CPNE8: variants seen among roughly 807,000 people sequenced by gnomAD.
The protein encoded by CPNE8 is copine 8.
Under a neutral mutation model 81.5 loss-of-function variants are expected in CPNE8, and 45 were observed. The ratio of observed to expected loss-of-function variants is 0.55; its 90% confidence interval spans 0.44 to 0.71. The LOEUF (loss-of-function observed/expected upper bound fraction) is 0.71, where lower values mean the gene tolerates loss of function less well. Ranked by LOEUF, CPNE8 falls within the 30% of genes least tolerant of loss-of-function variation. The probability of loss-of-function intolerance (pLI) is 0.00; values close to 1 mark genes in which losing one functional copy is unlikely to be tolerated. For synonymous variants in CPNE8, 252 were observed against 226.3 expected, an observed-to-expected ratio of 1.11 and a Z score of -1.02; for missense variants, 594 against 672.1, an observed-to-expected ratio of 0.88 and a Z score of 1.28.
intron 3 of CPNE8, among the ~76,000 whole-genome samples, chr12:38,849,182 CAT>C (rs201264191): frequency 0.011 from 1,655 of 152,218 alleles, 23 homozygotes; most frequent in Non-Finnish European, 0.013. Flanking sequence ...TCTGATTAAT[CAT>C]GTTTTAATTC....
chr12:38,893,024 A>G (rs997423557), intron 1 of CPNE8, among the ~76,000 whole-genome samples: 1 of 152,140 alleles, frequency 6.6e-6, no homozygotes, highest in Non-Finnish European at 1.5e-5. Flanking sequence ...AAAACCTTAG[A>G]CACTTGAATT....
chr12:38,829,579 T>C, intron 5 of CPNE8, 124 bp from the exon 6 acceptor site: 3 of 665,504 alleles, frequency 4.5e-6, no homozygotes, highest in Non-Finnish European at 5.3e-6. Flanking sequence ...CTTCCAACAA[T>C]AAGTAAAATA....
At chr12:38,694,385 G>A (rs564124538) in intron 14 of CPNE8, among the ~76,000 whole-genome samples, 60 of 152,292 alleles carry the variant, frequency 3.9e-4, no homozygotes, top group Non-Finnish European at 7.5e-4. Context: ...ACTTTCGAAT[G>A]AGACATTAAG....
At chr12:38,819,658 T>G (rs1943082024) in intron 6 of CPNE8, among the ~76,000 whole-genome samples, 1 of 150,224 alleles carries the variant, frequency 6.7e-6, no homozygotes, top group African/African-American at 2.5e-5. Context: ...TCCCAGCTAC[T>G]CGGGAGGCTG....
chr12:38,832,372 G>A (rs1321079690), intron 5 of CPNE8, among the ~76,000 whole-genome samples: 1 of 152,138 alleles, frequency 6.6e-6, no homozygotes, highest in Non-Finnish European at 1.5e-5. Flanking sequence ...CCAGCGCAGG[G>A]CAATGCAATC....
At chr12:38,759,157 T>C (rs1463513711) in intron 10 of CPNE8, among the ~76,000 whole-genome samples, 1 of 152,158 alleles carries the variant, frequency 6.6e-6, no homozygotes, top group East Asian at 1.9e-4. Flanking sequence ...ACACTGAAAA[T>C]CAGTCAGATT....
chr12:38,718,307 A>G (rs926535331), intron 13 of CPNE8, among the ~76,000 whole-genome samples: 4 of 152,210 alleles, frequency 2.6e-5, no homozygotes, highest in African/African-American at 7.2e-5. Flanking sequence ...AAAGGAATAT[A>G]GCTCCAAACT....
At chr12:38,670,849 A>C (rs1565561476) in intron 18 of CPNE8, 47 bp from the exon 19 acceptor site, 1 of 1,361,700 alleles carries the variant, frequency 7.3e-7, no homozygotes, top group Non-Finnish European at 1.0e-6. Flanking sequence ...TTAGCCAAAT[A>C]CTAAAACAAT....
chr12:38,657,129 G>C (rs975972481), intron 19 of CPNE8, among the ~76,000 whole-genome samples: 2 of 152,158 alleles, frequency 1.3e-5, no homozygotes, highest in Non-Finnish European at 2.9e-5. Flanking sequence ...CTAGCCAAGG[G>C]AAGCCATGAC....
At chr12:38,887,098 G>A (rs1944247753) in intron 1 of CPNE8, among the ~76,000 whole-genome samples, 1 of 152,168 alleles carries the variant, frequency 6.6e-6, no homozygotes, top group East Asian at 1.9e-4. Context: ...CAGGGTTACA[G>A]GGACAGCAGA....
chr12:38,698,830 A>G (rs1939860337), intron 14 of CPNE8, among the ~76,000 whole-genome samples: 1 of 151,936 alleles, frequency 6.6e-6, no homozygotes, highest in Admixed American at 6.6e-5. Context: ...AGAAATGTTG[A>G]CTCTTCCTAC....
chr12:38,853,233 G>A (rs1943675389), intron 3 of CPNE8, among the ~76,000 whole-genome samples: 1 of 151,958 alleles, frequency 6.6e-6, no homozygotes, highest in Non-Finnish European at 1.5e-5. Context: ...CTAATTCTTT[G>A]GAAAATGTGC....
At position 38,893,883 on chromosome 12, in the gene CPNE8, C is replaced by T. The variant is rs73086069; in HGVS notation, c.98+11554G>A. Among the ~76,000 whole-genome samples, 539 of 152,254 alleles carry T rather than the reference C, an allele frequency of 3.5e-3. 1 individual carries two copies. The highest frequency in any genetic ancestry group is 0.024 in the Middle Eastern group (7 of 294). On this transcript the variant is annotated intron_variant, in intron 1 of 19. Transcript: ENST00000331366. ...ACTAGAGGAATTGTCTATCTAAAGA[C>T]ATTCTGAGATAAATATTTTGAAAGT... is the stretch of plus-strand genomic sequence containing the variant.
At chr12:38,807,189 T>A (rs1337125676) in intron 6 of CPNE8, among the ~76,000 whole-genome samples, 2 of 151,252 alleles carry the variant, frequency 1.3e-5, no homozygotes, top group South Asian at 2.1e-4. Flanking sequence ...AGGTCATTTA[T>A]AGATTCAATG....
chr12:38,836,199 G>GA (rs1565641881), intron 5 of CPNE8, among the ~76,000 whole-genome samples: 1 of 152,012 alleles, frequency 6.6e-6, no homozygotes, highest in Non-Finnish European at 1.5e-5. Context: ...ACAGTATAGG[G>GA]AAAAATATCT....
chr12:38,793,520 G>A (rs1942378644), intron 6 of CPNE8, among the ~76,000 whole-genome samples: 1 of 151,584 alleles, frequency 6.6e-6, no homozygotes, highest in African/African-American at 2.4e-5. Context: ...ACCAAGAAGT[G>A]AAAAACATTT....
chr12:38,675,772 G>A lies in CPNE8; in HGVS notation c.1377C>T (p.Ala459=). The change falls in exon 18 of 20, where the codon GCC becomes GCT. Residue 459 remains alanine, a splice_region_variant and synonymous_variant. Transcript: ENST00000331366. ...MAQTKESIVN[A]SKLPMSIIIV... ...TAATTATTGACATTGGAAGTTTTGAGGCCTTCAAAGAGAATATACAATTAG... is the reference window on the plus strand; with the variant it reads ...TAATTATTGACATTGGAAGTTTTGAAGCCTTCAAAGAGAATATACAATTAG... The A allele has an allele frequency of 6.3e-7, 1 of 1,593,254 alleles. No individual in the cohort carries two copies. The highest frequency in any genetic ancestry group is 2.2e-5 in the East Asian group (1 of 44,640).
intron 10 of CPNE8, among the ~76,000 whole-genome samples, chr12:38,742,384 T>C (rs1278416060): frequency 1.3e-5 from 2 of 152,032 alleles, no homozygotes; most frequent in Non-Finnish European, 2.9e-5. Flanking sequence ...TGTAGGGACA[T>C]GGTTCGAAGC....
intron 15 of CPNE8, among the ~76,000 whole-genome samples, chr12:38,690,322 G>C (rs568691830): frequency 1.2e-3 from 177 of 152,214 alleles, no homozygotes; most frequent in Non-Finnish European, 2.2e-3. Flanking sequence ...GAATACTTCA[G>C]CAAGAATGAA....
Sources: allele counts gnomAD v4.1 joint callset (sites outside exome capture counted in the v4.1 genomes callset), GRCh38; gene constraint gnomAD v4.1.1; transcripts MANE v1.5; gene names NCBI Gene and HGNC (gene_info 2026-07-23, HGNC 2026-07-21).